The following ZNF536 variants were observed in gnomAD, a reference collection of about 807,000 sequenced individuals.
ZNF536 encodes the protein zinc finger protein 536.
Under a neutral mutation model 84.5 loss-of-function variants are expected in ZNF536, and 13 were observed. The observed-to-expected ratio is 0.15, with a 90% CI of 0.10 to 0.24. The LOEUF is 0.24. ZNF536 is among the 10% of genes least tolerant of loss of function. ZNF536 has a pLI of 1.00. For missense variants in ZNF536, 1,536 were observed against 1,747.5 expected, an observed-to-expected ratio of 0.88 and a Z score of 2.16; for synonymous variants, 811 against 742.5, an observed-to-expected ratio of 1.09 and a Z score of -1.50.
intron 1 of ZNF536, among the ~76,000 whole-genome samples, chr19:30,708,325 A>G (rs998611822): frequency 2.6e-5 from 4 of 152,368 alleles, no homozygotes; most frequent in Admixed American, 6.5e-5. Flanking sequence ...GACACTGCAC[A>G]GTGACGTCTA....
intron 2 of ZNF536, among the ~76,000 whole-genome samples, chr19:30,346,329 A>C (rs2047742075): frequency 6.6e-6 from 1 of 152,312 alleles, no homozygotes; most frequent in East Asian, 1.9e-4. Flanking sequence ...CTTTTTCTAA[A>C]ATTTTATTTA....
At chr19:30,461,863 G>A (rs377743676) in intron 2 of ZNF536, among the ~76,000 whole-genome samples, 4 of 152,180 alleles carry the variant, frequency 2.6e-5, no homozygotes, top group East Asian at 3.9e-4. Flanking sequence ...GTAGAAGAAC[G>A]TTGCTGGCAC....
intron 1 of ZNF536, among the ~76,000 whole-genome samples, chr19:30,252,174 G>T (rs2024647702): frequency 6.6e-6 from 1 of 152,102 alleles, no homozygotes; most frequent in Non-Finnish European, 1.5e-5. Flanking sequence ...TATACAAATA[G>T]CTAACAAACT....
At chr19:30,508,820 C>CTTTTTT (rs914349353) in intron 2 of ZNF536, among the ~76,000 whole-genome samples, 99 of 68,762 alleles carry the variant, frequency 1.4e-3, no homozygotes, top group Non-Finnish European at 1.6e-3. Context: ...TTCTTTCTTT[C>CTTTTTT]TTTTTTTTTT....
At chr19:30,676,332 T>C (rs190667363) in intron 1 of ZNF536, among the ~76,000 whole-genome samples, 6 of 152,352 alleles carry the variant, frequency 3.9e-5, no homozygotes, top group African/African-American at 1.2e-4. Context: ...TGAGAGTCTA[T>C]GGCCATCTGT....
intron 3 of ZNF536, among the ~76,000 whole-genome samples, chr19:30,544,551 G>A (rs1375100362): frequency 6.6e-6 from 1 of 152,150 alleles, no homozygotes; most frequent in East Asian, 1.9e-4. Flanking sequence ...GTGTGAGAGT[G>A]CGTGTGCGTG....
At chr19:30,640,255 G>GA (rs930906506) in intron 1 of ZNF536, among the ~76,000 whole-genome samples, 12 of 148,710 alleles carry the variant, frequency 8.1e-5, no homozygotes, top group South Asian at 2.2e-4. Flanking sequence ...CCTGTCTCAA[G>GA]AAAAAAAAAA....
chr19:30,415,504 C>T (rs1600641421), intron 1 of ZNF536, among the ~76,000 whole-genome samples: 1 of 151,264 alleles, frequency 6.6e-6, no homozygotes, highest in South Asian at 2.1e-4. Flanking sequence ...AGAAATTTTC[C>T]CATCAGCTGG....
intron 1 of ZNF536, among the ~76,000 whole-genome samples, chr19:30,565,431 GT>G (rs1215623204): frequency 2.0e-5 from 3 of 152,148 alleles, no homozygotes; most frequent in African/African-American, 7.2e-5. Context: ...AAGCCCGCAG[GT>G]CTGCCAGGCC....
At chr19:30,506,829 T>C (rs964412501) in intron 2 of ZNF536, among the ~76,000 whole-genome samples, 1 of 152,214 alleles carries the variant, frequency 6.6e-6, no homozygotes, top group Non-Finnish European at 1.5e-5. Flanking sequence ...TGTGTGATCA[T>C]TGCAGAAGGG....
intron 1 of ZNF536, among the ~76,000 whole-genome samples, chr19:30,398,932 A>G (rs1354265076): frequency 6.6e-6 from 1 of 152,196 alleles, no homozygotes; most frequent in Non-Finnish European, 1.5e-5. Context: ...GTGTATATCC[A>G]GTAGTGGGAT....
At chr19:30,393,215 T>A (rs1183243358) in intron 1 of ZNF536, among the ~76,000 whole-genome samples, 1 of 152,106 alleles carries the variant, frequency 6.6e-6, no homozygotes, top group Non-Finnish European at 1.5e-5. Flanking sequence ...CACAGTTTAA[T>A]GCGGTAGGAT....
intron 1 of ZNF536, among the ~76,000 whole-genome samples, chr19:30,626,895 C>T (rs2147194995): frequency 6.6e-6 from 1 of 152,338 alleles, no homozygotes; most frequent in Admixed American, 6.5e-5. Flanking sequence ...CTCCAGGCTG[C>T]CCTCCCGTCC....
chr19:30,648,260 G>A (rs1296659486), intron 1 of ZNF536, among the ~76,000 whole-genome samples: 2 of 152,146 alleles, frequency 1.3e-5, no homozygotes, highest in African/African-American at 2.4e-5. Context: ...CCCAACCTGC[G>A]GCCGCGTGGA....
intron 1 of ZNF536, among the ~76,000 whole-genome samples, chr19:30,587,312 A>G (rs1030687): frequency 0.44 from 66,231 of 152,108 alleles, 15,086 homozygotes; most frequent in South Asian, 0.54. Flanking sequence ...AAGCAGTCCA[A>G]TGTTAGATCT....
intron 1 of ZNF536, among the ~76,000 whole-genome samples, chr19:30,417,681 C>T (rs1191877446): frequency 2.6e-5 from 4 of 152,100 alleles, no homozygotes; most frequent in Admixed American, 2.6e-4. Flanking sequence ...GGTGATGGGG[C>T]ATCTTTGCAT....
rs2146182022 is a variant in ZNF536, at chr19:30,548,095, T to C, written c.2476T>C (p.Ser826Pro). The part of the protein sequence containing the change: ...PPNQDHKDEM[S>P]SKASLFIRPD... ...AAATCAAGACCACAAGGATGAGATG[T>C]CAAGCAAAGCTTCTCTGTTCATCAG... The change falls in exon 4 of 5, where the codon TCA becomes CCA. Residue 826 changes from serine (S) to proline (P), a missense_variant. Around this residue, in one of 8 missense-constraint regions of ZNF536, gnomAD observed 624 missense variants for 603.1 expected, o/e 1.03. Coordinates refer to ENST00000355537, the MANE Select transcript of ZNF536 (RefSeq NM_014717.3). 6.2e-7 allele frequency: 1 copy of C among 1,614,142 alleles called. No individual in the cohort carries two copies. Among genetic ancestry groups the C allele is most frequent in the East Asian group, 2.2e-5 (1 of 44,874 alleles).
At chr19:30,606,892 G>A (rs1440294183) in intron 1 of ZNF536, among the ~76,000 whole-genome samples, 5 of 152,062 alleles carry the variant, frequency 3.3e-5, no homozygotes, top group Non-Finnish European at 4.4e-5. Flanking sequence ...GTCAATCCTC[G>A]AATCATGGAA....
At chr19:30,243,000 G>A (rs562642879) in intron 1 of ZNF536, among the ~76,000 whole-genome samples, 4 of 151,976 alleles carry the variant, frequency 2.6e-5, no homozygotes, top group African/African-American at 9.7e-5. Flanking sequence ...TCACATCATC[G>A]TAACTTAGAT....
Sources: gnomAD v4.1 joint callset for allele counts (sites outside exome capture counted in the v4.1 genomes callset) on GRCh38, gnomAD v4.1.1 for gene constraint, gnomAD v4.1.1 regional missense constraint, MANE v1.5 for transcripts, NCBI Gene and HGNC (gene_info 2026-07-23, HGNC 2026-07-21) for gene names.